MEGF9: variants seen among roughly 807,000 people sequenced by gnomAD.
The protein encoded by MEGF9 is multiple EGF like domains 9.
MEGF9 carries 6 observed loss-of-function variants against 46.8 expected under a neutral mutation model. The observed-to-expected ratio is 0.13, with a 90% CI of 0.07 to 0.25. The LOEUF (loss-of-function observed/expected upper bound fraction) is 0.25. Ranked by LOEUF, MEGF9 falls within the 10% of genes least tolerant of loss-of-function variation. The pLI, the probability that MEGF9 is intolerant of heterozygous loss-of-function variation, is 1.00. For synonymous variants in MEGF9, 302 were observed against 330.7 expected (o/e 0.91, Z 0.94); for missense variants, 683 against 792.4 (o/e 0.86, Z 1.66).
rs1448673773 is a variant in MEGF9, at chr9:120,607,914, C to T, written c.1184G>A (p.Ser395Asn). Residue 395 changes from serine to asparagine, a missense_variant, in exon 5 of 6, where the codon AGC (serine) becomes AAC (asparagine). Physicochemically the swap from Ser to Asn is conservative, Grantham distance 46 (BLOSUM62 1). Around this residue, in one of 2 missense-constraint regions of MEGF9, gnomAD observed 313 missense variants for 421.1 expected, o/e 0.74. Coordinates refer to ENST00000373930, the MANE Select transcript of MEGF9 (RefSeq NM_001080497.3). ...GTGACATTGGCACTTTCTACAGATG[C>T]TGTCAAAATTGTAATAGCCATTTTC... ...KCENGYYNFD[S>N]ICRKCQCHGH... The T allele has an allele frequency of 2.5e-6, 4 of 1,613,886 alleles. No individual in the cohort carries two copies. Among genetic ancestry groups the T allele is most frequent in the Middle Eastern group, 3.3e-4 (2 of 6,084 alleles).
intron 3 of MEGF9, among the ~76,000 whole-genome samples, chr9:120,614,465 C>T (rs767971045): frequency 7.2e-5 from 11 of 152,124 alleles, no homozygotes; most frequent in Admixed American, 2.0e-4. Flanking sequence ...ACATTTTTCC[C>T]ACATAACAAA....
chr9:120,682,350 G>C (rs1470759922), intron 1 of MEGF9, among the ~76,000 whole-genome samples: 1 of 152,186 alleles, frequency 6.6e-6, no homozygotes, highest in African/African-American at 2.4e-5. Flanking sequence ...TGTTTACAGA[G>C]AGGCCAGATG....
At chr9:120,667,966 A>G (rs909812729) in intron 1 of MEGF9, among the ~76,000 whole-genome samples, 1 of 152,238 alleles carries the variant, frequency 6.6e-6, no homozygotes, top group African/African-American at 2.4e-5. Flanking sequence ...CAGAGGTTGC[A>G]GTGAGACGAG....
At chr9:120,698,177 A>T (rs920335477) in intron 1 of MEGF9, among the ~76,000 whole-genome samples, 2 of 152,240 alleles carry the variant, frequency 1.3e-5, no homozygotes, top group African/African-American at 4.8e-5. Flanking sequence ...ATAGGTGTAT[A>T]TCAATGTGCT....
intron 2 of MEGF9, among the ~76,000 whole-genome samples, chr9:120,628,085 T>TTA (rs1233382321): frequency 6.6e-6 from 1 of 152,048 alleles, no homozygotes; most frequent in East Asian, 1.9e-4. Flanking sequence ...AAATCGAACT[T>TTA]TAAAAGGTAG....
intron 1 of MEGF9, among the ~76,000 whole-genome samples, chr9:120,662,938 T>C (rs2043709234): frequency 6.6e-6 from 1 of 152,210 alleles, no homozygotes; most frequent in Non-Finnish European, 1.5e-5. Context: ...GCTCCACTCA[T>C]TAACAATATG....
At chr9:120,621,810 T>C (rs2043500485) in intron 3 of MEGF9, among the ~76,000 whole-genome samples, 1 of 152,160 alleles carries the variant, frequency 6.6e-6, no homozygotes, top group African/African-American at 2.4e-5. Context: ...ATTACTTCAA[T>C]CCAATCAGAA....
intron 2 of MEGF9, among the ~76,000 whole-genome samples, chr9:120,645,037 G>GAC (rs1387640277): frequency 6.6e-6 from 1 of 152,156 alleles, no homozygotes. Flanking sequence ...CCTCCTGACT[G>GAC]TGAAAAATCA....
In MEGF9 at chr9:120,675,604, A is replaced by G. The variant is rs1052857198; in HGVS notation, c.602-16029T>C. ...TGAGACCCTGTCTCAAAAAAAAATT[A>G]CTGGCCAGGCGCAGTGGCTCATGCC... On this transcript the variant is annotated intron_variant, in intron 1 of 5. Coordinates refer to ENST00000373930, the MANE Select transcript of MEGF9 (RefSeq NM_001080497.3). 3.3e-5 allele frequency among the ~76,000 whole-genome samples: 5 copies of G among 151,600 alleles called. 1 individual carries two copies. Among genetic ancestry groups the G allele is most frequent in the Non-Finnish European group, 7.4e-5 (5 of 67,862 alleles).
chr9:120,622,292 T>C (rs1267029296), intron 3 of MEGF9, among the ~76,000 whole-genome samples: 1 of 152,156 alleles, frequency 6.6e-6, no homozygotes, highest in Non-Finnish European at 1.5e-5. Flanking sequence ...TCTTTGCCTA[T>C]GCTCAGAATC....
chr9:120,636,460 C>T (rs1218266376), intron 2 of MEGF9, among the ~76,000 whole-genome samples: 1 of 152,158 alleles, frequency 6.6e-6, no homozygotes, highest in Non-Finnish European at 1.5e-5. Flanking sequence ...GCCAGAAATT[C>T]ATAATACTCA....
intron 1 of MEGF9, among the ~76,000 whole-genome samples, chr9:120,682,559 C>T (rs1587994298): frequency 6.8e-6 from 1 of 146,440 alleles, no homozygotes; most frequent in Middle Eastern, 3.5e-3. Context: ...CACATTCATC[C>T]CCAACCAATT....
intron 2 of MEGF9, among the ~76,000 whole-genome samples, chr9:120,638,615 G>A (rs2043589143): frequency 6.6e-6 from 1 of 152,286 alleles, no homozygotes; most frequent in South Asian, 2.1e-4. Flanking sequence ...ACTCCCATCA[G>A]CAACGGAATA....
At position 120,713,920 on chromosome 9, in the gene MEGF9, TG is replaced by T; in HGVS notation, c.438del (p.Thr147ProfsTer14). On this transcript the variant is annotated frameshift_variant, in exon 1 of 6. Coordinates refer to ENST00000373930, the MANE Select transcript of MEGF9 (RefSeq NM_001080497.3). LOFTEE classifies it high-confidence loss of function. ...TSQAPTRPAP[T>X]TLSTTTGPAP... is the part of the protein sequence containing the mutation. ...GCCGGGCCAGTGGTCGTCGAAAGGG[TG>T]GTCGGCGCGGGTCTGGTCGGCGCCT... 1 of 1,340,062 alleles carries T rather than the reference TG, an allele frequency of 7.5e-7. No homozygotes were observed. 83.0% of individuals were successfully genotyped at this position (1,340,062 alleles called of 1,614,324 possible).
At chr9:120,607,699 G>C (rs1564410848) in intron 5 of MEGF9, 42 bp downstream of exon 5, 1 of 1,595,978 alleles carries the variant, frequency 6.3e-7, no homozygotes, top group Non-Finnish European at 8.6e-7. Context: ...TTCACTGCTA[G>C]TTTTAGATAT....
In MEGF9 at chr9:120,607,973, T is replaced by A; in HGVS notation, c.1125A>T (p.Lys375Asn). Residue 375 changes from lysine (K) to asparagine (N), a missense_variant, in exon 5 of 6, where the codon AAA becomes AAT. By Grantham distance (94) the Lys-to-Asn change is moderately conservative. This residue lies in a region of MEGF9 where 313 missense variants were observed against 421.1 expected (regional missense o/e 0.74). Coordinates refer to ENST00000373930, the MANE Select transcript of MEGF9 (RefSeq NM_001080497.3). Reference sequence around the variant, plus strand: ...TGCAGTTCGGGCCTATGTAACCATCTTTACACTGGTCACATTCAGGTTCCA... The same window carrying A: ...TGCAGTTCGGGCCTATGTAACCATCATTACACTGGTCACATTCAGGTTCCA... ...SELEPECDQC[K>N]DGYIGPNCNK... is the part of the protein sequence containing the mutation. 1.2e-6 allele frequency: 2 copies of A among 1,614,006 alleles called. No individual in the cohort carries two copies. Among genetic ancestry groups the A allele is most frequent in the Non-Finnish European group, 1.7e-6 (2 of 1,179,854 alleles).
intron 1 of MEGF9, among the ~76,000 whole-genome samples, chr9:120,690,472 T>G (rs1283207391): frequency 6.6e-6 from 1 of 152,174 alleles, no homozygotes; most frequent in African/African-American, 2.4e-5. Context: ...AAGACTAATG[T>G]TTTGTATCAA....
chr9:120,712,664 T>C (rs2043959134), intron 1 of MEGF9, among the ~76,000 whole-genome samples: 1 of 152,048 alleles, frequency 6.6e-6, no homozygotes, highest in African/African-American at 2.4e-5. Flanking sequence ...TGTGGGAAAA[T>C]TCTCTACACA....
chr9:120,691,300 G>C (rs956294621), intron 1 of MEGF9: 23 of 301,504 alleles, frequency 7.6e-5, no homozygotes, highest in African/African-American at 5.3e-4. Flanking sequence ...TGGAGTGATA[G>C]TTGGTTGTGC....
Sources: gnomAD v4.1 joint callset for allele counts (sites outside exome capture counted in the v4.1 genomes callset) on GRCh38, gnomAD v4.1.1 for gene constraint, gnomAD v4.1.1 regional missense constraint, MANE v1.5 for transcripts, NCBI Gene and HGNC (gene_info 2026-07-23, HGNC 2026-07-21) for gene names.